Variants in PRKCE observed in about 807,000 individuals in gnomAD.
PRKCE encodes protein kinase C epsilon.
PRKCE carries 16 observed loss-of-function variants against 85.4 expected under a neutral mutation model. That is an observed-to-expected ratio of 0.19 (90% CI 0.13 to 0.28). The LOEUF is 0.28. PRKCE is among the 10% of genes least tolerant of loss of function. The pLI is 1.00. For synonymous variants in PRKCE, 388 were observed against 371.5 expected (o/e 1.04, Z -0.51); for missense variants, 573 against 975.2 (o/e 0.59, Z 5.49).
At chr2:45,814,674 C>A (rs967014360) in intron 1 of PRKCE, among the ~76,000 whole-genome samples, 37 of 152,312 alleles carry the variant, frequency 2.4e-4, no homozygotes, top group African/African-American at 8.7e-4. Context: ...GGGGTGTGAG[C>A]CAGGCATCTT....
In PRKCE at chr2:45,914,399, G is replaced by A. The variant is rs192649173; in HGVS notation, c.413-62030G>A. Among the ~76,000 whole-genome samples the A allele has an allele frequency of 5.3e-5, 8 of 152,334 alleles. No homozygotes were observed. In the East Asian group the frequency reaches 1.5e-3, roughly 29 times the overall value. On this transcript the variant is annotated intron_variant, in intron 2 of 14. Coordinates refer to ENST00000306156, the MANE Select transcript of PRKCE (RefSeq NM_005400.3). The stretch of plus-strand genomic sequence containing the variant: ...GTCTCAACGATGTGTGGTCCAGAGG[G>A]CTGGTGGCTCCCTGGGTCTGGAGCT...
chr2:46,018,951 T>C (rs1201784980), intron 10 of PRKCE, among the ~76,000 whole-genome samples: 1 of 152,236 alleles, frequency 6.6e-6, no homozygotes, highest in Non-Finnish European at 1.5e-5. Context: ...GACCGCATGC[T>C]CTGCCCAGTG....
intron 1 of PRKCE, among the ~76,000 whole-genome samples, chr2:45,686,588 A>G (rs1466289398): frequency 6.6e-6 from 1 of 152,172 alleles, no homozygotes; most frequent in Non-Finnish European, 1.5e-5. Context: ...GAAAAACAAC[A>G]AGGTAGAAAA....
At chr2:45,744,199 G>A (rs1368660359) in intron 1 of PRKCE, among the ~76,000 whole-genome samples, 1 of 152,140 alleles carries the variant, frequency 6.6e-6, no homozygotes, top group Non-Finnish European at 1.5e-5. Flanking sequence ...GATACAATAT[G>A]CGTAATATTC....
intron 1 of PRKCE, among the ~76,000 whole-genome samples, chr2:45,750,534 C>T (rs1215405093): frequency 3.3e-5 from 5 of 152,214 alleles, no homozygotes; most frequent in Admixed American, 2.6e-4. Context: ...AGAGAGACTG[C>T]ACCGGGCTGA....
At chr2:45,832,782 C>A (rs1344577336) in intron 1 of PRKCE, among the ~76,000 whole-genome samples, 3 of 152,182 alleles carry the variant, frequency 2.0e-5, no homozygotes, top group Admixed American at 2.0e-4. Context: ...AACGCACACT[C>A]CTCTTCTGCA....
intron 10 of PRKCE, among the ~76,000 whole-genome samples, chr2:46,081,815 G>C (rs1669104677): frequency 6.6e-6 from 1 of 152,212 alleles, no homozygotes; most frequent in East Asian, 1.9e-4. Context: ...AGCTATAGAG[G>C]CTGGGCACGG....
chr2:45,979,887 G>C (rs1047339651), intron 4 of PRKCE, among the ~76,000 whole-genome samples: 1 of 152,290 alleles, frequency 6.6e-6, no homozygotes, highest in Middle Eastern at 3.4e-3. Context: ...GCCTGCTGCA[G>C]TTCCCCCTAT....
chr2:46,119,480 G>A (rs1166816629), intron 11 of PRKCE, among the ~76,000 whole-genome samples: 1 of 152,064 alleles, frequency 6.6e-6, no homozygotes, highest in African/African-American at 2.4e-5. Context: ...CATACAAATG[G>A]TTCTAAATAT....
chr2:45,696,299 G>C (rs1053393212), intron 1 of PRKCE, among the ~76,000 whole-genome samples: 1 of 151,954 alleles, frequency 6.6e-6, no homozygotes, highest in Non-Finnish European at 1.5e-5. Context: ...TATTTCTATT[G>C]AATACATATT....
chr2:45,977,095 C>A (rs1702514793), intron 3 of PRKCE, among the ~76,000 whole-genome samples: 1 of 152,050 alleles, frequency 6.6e-6, no homozygotes, highest in African/African-American at 2.4e-5. Context: ...TAGGGTTTCG[C>A]CATGTTGGCC....
chr2:46,001,306 A>G lies in PRKCE; in HGVS notation c.824-98A>G. On this transcript the variant is annotated intron_variant, in intron 6 of 14. Transcript: ENST00000306156. The surrounding 1 kb of genome is among the most constrained non-coding windows in gnomAD (Gnocchi z 4.4). The stretch of plus-strand genomic sequence containing the variant: ...TTTCCAAATTATATCTTAAATGAAC[A>G]TGTAATACTTCATGAACATATAATA... 1 of 1,119,566 alleles carries G rather than the reference A, an allele frequency of 8.9e-7. No homozygotes were observed. Among genetic ancestry groups the G allele is most frequent in the African/African-American group, 1.6e-5 (1 of 61,678 alleles). 69.4% of individuals were successfully genotyped at this position (1,119,566 alleles called of 1,614,324 possible). A position where few individuals can be genotyped will look rare whatever the true frequency, so the allele number is the denominator to read the frequency against.
chr2:45,759,631 A>G (rs1284926467), intron 1 of PRKCE, among the ~76,000 whole-genome samples: 1 of 152,226 alleles, frequency 6.6e-6, no homozygotes, highest in South Asian at 2.1e-4. Context: ...CTGAAATGTC[A>G]GTTATTACAC....
At chr2:45,796,557 C>T (rs1271925090) in intron 1 of PRKCE, among the ~76,000 whole-genome samples, 1 of 152,158 alleles carries the variant, frequency 6.6e-6, no homozygotes, top group East Asian at 1.9e-4. Flanking sequence ...TTGACTTGGG[C>T]AATCTGCTTC....
At chr2:46,074,939 C>A (rs911473749) in intron 10 of PRKCE, among the ~76,000 whole-genome samples, 1 of 152,182 alleles carries the variant, frequency 6.6e-6, no homozygotes, top group African/African-American at 2.4e-5. Flanking sequence ...CCTGAGCTCA[C>A]AAGAAGAGCA....
chr2:46,035,213 G>C (rs1020358068), intron 10 of PRKCE, among the ~76,000 whole-genome samples: 7 of 152,214 alleles, frequency 4.6e-5, no homozygotes, highest in Admixed American at 4.6e-4. Context: ...CCTGCCCATA[G>C]CTCATGACAC....
chr2:45,713,306 T>C (rs922371323), intron 1 of PRKCE, among the ~76,000 whole-genome samples: 2 of 152,210 alleles, frequency 1.3e-5, no homozygotes, highest in Admixed American at 1.3e-4. Context: ...CAGGAGAGCA[T>C]ATGCCTGAGG....
rs766773185 is a variant in PRKCE, at chr2:46,007,534, C to T, written c.1136C>T (p.Ala379Val). 3.8e-6 allele frequency: 6 copies of T among 1,599,678 alleles called. No individual in the cohort carries two copies. The African/African-American group carries it at 8.0e-5, about 21-fold the overall frequency. Residue 379 changes from alanine (A) to valine (V), a missense_variant, in exon 9 of 15, where the codon GCA (alanine) becomes GTA (valine). Ala to Val is a moderately conservative substitution (Grantham distance 64). This residue lies in a region of PRKCE where 117 missense variants were observed against 104.8 expected (regional missense o/e 1.12). Coordinates refer to ENST00000306156, the MANE Select transcript of PRKCE (RefSeq NM_005400.3). The part of the protein sequence containing the change: ...FDNRGEEHRA[A>V]SSPDGQLMSP... ...AACCGAGGAGAGGAGCACCGGGCAG[C>T]ATCGTCTCCTGATGGCCAGCTGATG...
chr2:46,026,698 G>C (rs1387513263), intron 10 of PRKCE, among the ~76,000 whole-genome samples: 2 of 152,172 alleles, frequency 1.3e-5, no homozygotes, highest in Non-Finnish European at 1.5e-5. Flanking sequence ...ATTTATAAGA[G>C]AGTAAATGAG....
Sources: gnomAD v4.1 joint callset for allele counts (sites outside exome capture counted in the v4.1 genomes callset) on GRCh38, gnomAD v4.1.1 for gene constraint, gnomAD v4.1.1 regional missense constraint, Gnocchi (gnomAD v3.1) non-coding constraint, MANE v1.5 for transcripts, NCBI Gene and HGNC (gene_info 2026-07-23, HGNC 2026-07-21) for gene names.